The following PHACTR1 variants were observed in gnomAD, a reference collection of about 807,000 sequenced individuals.
PHACTR1 encodes phosphatase and actin regulator 1, also known as RPEL repeat containing 1.
A neutral mutation model predicts 69.2 loss-of-function variants in PHACTR1; 16 were observed. The observed-to-expected ratio is 0.23, with a 90% CI of 0.16 to 0.35. The LOEUF (loss-of-function observed/expected upper bound fraction) is 0.35. Ranked by LOEUF, PHACTR1 falls within the 10% of genes least tolerant of loss-of-function variation. The probability of loss-of-function intolerance (pLI) is 1.00; values close to 1 mark genes in which losing one functional copy is unlikely to be tolerated. For missense variants in PHACTR1, 510 were observed against 734.7 expected, an observed-to-expected ratio of 0.69 and a Z score of 3.54; for synonymous variants, 312 against 284.5, an observed-to-expected ratio of 1.10 and a Z score of -0.97.
chr6:12,898,229 C>T (rs1038247456), intron 4 of PHACTR1, among the ~76,000 whole-genome samples: 9 of 152,118 alleles, frequency 5.9e-5, no homozygotes, highest in Admixed American at 2.6e-4. Flanking sequence ...TGTTTACACA[C>T]GGTCCTGCCC....
intron 5 of PHACTR1, among the ~76,000 whole-genome samples, chr6:13,101,203 G>A (rs1419780546): frequency 6.6e-6 from 1 of 152,234 alleles, no homozygotes; most frequent in Non-Finnish European, 1.5e-5. Flanking sequence ...TTGATGCTGT[G>A]TCAGCCCATG....
At chr6:12,922,421 A>G (rs1202007583) in intron 4 of PHACTR1, among the ~76,000 whole-genome samples, 1 of 152,178 alleles carries the variant, frequency 6.6e-6, no homozygotes, top group African/African-American at 2.4e-5. Context: ...GCTGGAGCCC[A>G]GGGAAAGTAA....
chr6:12,886,791 G>A (rs1783685257), intron 4 of PHACTR1, among the ~76,000 whole-genome samples: 1 of 152,074 alleles, frequency 6.6e-6, no homozygotes, highest in Non-Finnish European at 1.5e-5. Flanking sequence ...CTTCCTTTCT[G>A]CAGGGACTTA....
At chr6:12,946,423 A>T (rs1349073447) in intron 4 of PHACTR1, among the ~76,000 whole-genome samples, 1 of 152,224 alleles carries the variant, frequency 6.6e-6, no homozygotes, top group Non-Finnish European at 1.5e-5. Flanking sequence ...CAAAGCTCCG[A>T]GATATGAGCG....
At chr6:13,117,188 T>G (rs560467301) in intron 5 of PHACTR1, among the ~76,000 whole-genome samples, 12 of 152,350 alleles carry the variant, frequency 7.9e-5, no homozygotes, top group African/African-American at 2.6e-4. Flanking sequence ...CCCCAGTCTC[T>G]TGGATTCTCC....
At chr6:13,145,439 A>G (rs928999486) in intron 5 of PHACTR1, among the ~76,000 whole-genome samples, 1 of 152,250 alleles carries the variant, frequency 6.6e-6, no homozygotes, top group African/African-American at 2.4e-5. Flanking sequence ...GTGAAATCTC[A>G]TTCAATGACA....
chr6:12,739,599 G>GCC (rs1764769783), intron 3 of PHACTR1, among the ~76,000 whole-genome samples: 1 of 152,018 alleles, frequency 6.6e-6, no homozygotes, highest in African/African-American at 2.4e-5. Flanking sequence ...GAGTGCAGTG[G>GCC]CATGAAAATG....
rs375451776 is a variant in PHACTR1 at position 12,818,336 on chromosome 6, G to A, written c.250+68546G>A. ...CTGGGGACTCTGCTGGGTCAGCTGA[G>A]ATGTCTGGGCTAGCTTTGGCCTGTA... On this transcript the variant is annotated intron_variant, in intron 4 of 14. Coordinates refer to ENST00000332995, the MANE Select transcript of PHACTR1 (RefSeq NM_030948.6). 3.9e-5 allele frequency among the ~76,000 whole-genome samples: 6 copies of A among 152,322 alleles called. No individual in the cohort carries two copies. The East Asian group carries it at 1.2e-3, about 29-fold the overall frequency.
At chr6:13,093,570 C>G (rs1384187876) in intron 5 of PHACTR1, among the ~76,000 whole-genome samples, 1 of 152,182 alleles carries the variant, frequency 6.6e-6, no homozygotes, top group Non-Finnish European at 1.5e-5. Context: ...TGGTTATACC[C>G]TCCGCACTAA....
chr6:13,199,723 G>C (rs764433548), intron 7 of PHACTR1, among the ~76,000 whole-genome samples: 2 of 151,806 alleles, frequency 1.3e-5, no homozygotes, highest in South Asian at 2.1e-4. Flanking sequence ...CATCCTTAAA[G>C]TTTAGACAAG....
Position 12,863,903 on chromosome 6 carries a change from A to C in PHACTR1, c.250+114113A>C, listed in dbSNP as rs180729886. ...GTTCAGTGAAGGTAAATTCTGTAGCAGTTCATGATTCATGAGATTAACTTA... is the reference window on the plus strand; with the variant it reads ...GTTCAGTGAAGGTAAATTCTGTAGCCGTTCATGATTCATGAGATTAACTTA... On this transcript the variant is annotated intron_variant, in intron 4 of 14. Coordinates refer to ENST00000332995, the MANE Select transcript of PHACTR1 (RefSeq NM_030948.6). Among the ~76,000 whole-genome samples the C allele has an allele frequency of 7.6e-3, 1,150 of 152,246 alleles. 22 individuals carry two copies. The highest frequency in any genetic ancestry group is 0.047 in the Admixed American group (722 of 15,280).
intron 5 of PHACTR1, among the ~76,000 whole-genome samples, chr6:13,153,657 A>G (rs1390368272): frequency 1.3e-5 from 2 of 152,154 alleles, no homozygotes; most frequent in African/African-American, 4.8e-5. Context: ...GGTTTTCTGC[A>G]TTGACTGCAG....
chr6:13,064,584 ATATATATATATATATATATATC>A (rs1405858805), intron 5 of PHACTR1, among the ~76,000 whole-genome samples: 14 of 8,806 alleles, frequency 1.6e-3, no homozygotes, highest in South Asian at 5.0e-3. Flanking sequence ...ATATATATAT[ATATATATATATATATATATATC>A]TATATATCTA....
intron 4 of PHACTR1, among the ~76,000 whole-genome samples, chr6:12,970,009 A>G (rs1448807191): frequency 6.6e-6 from 1 of 152,154 alleles, no homozygotes; most frequent in Non-Finnish European, 1.5e-5. Context: ...TGTTGAGAAC[A>G]AATGTTACAA....
rs556324278 is a variant in PHACTR1 at position 12,826,962 on chromosome 6, C to T, written c.250+77172C>T. ...TGCTAAGAACATCCTAATAACCACC[C>T]AAATTTTATTTATTCTGTGGGATAC... is the stretch of plus-strand genomic sequence containing the variant. On this transcript the variant is annotated intron_variant, in intron 4 of 14. Transcript: ENST00000332995. 4.1e-4 allele frequency among the ~76,000 whole-genome samples: 63 copies of T among 152,296 alleles called. No homozygotes were observed. The South Asian group carries it at 0.012, about 30-fold the overall frequency.
chr6:13,187,813 G>A (rs1249371478), intron 7 of PHACTR1, among the ~76,000 whole-genome samples: 1 of 151,172 alleles, frequency 6.6e-6, no homozygotes, highest in Non-Finnish European at 1.5e-5. Context: ...ATTGAAATAT[G>A]AGCTAACAAG....
intron 4 of PHACTR1, among the ~76,000 whole-genome samples, chr6:13,022,726 T>C (rs1369566695): frequency 6.6e-6 from 1 of 151,612 alleles, no homozygotes; most frequent in East Asian, 1.9e-4. Context: ...AAATAGAAAG[T>C]ATCTCTCCTG....
At chr6:13,137,232 T>G (rs1258967968) in intron 5 of PHACTR1, among the ~76,000 whole-genome samples, 1 of 152,232 alleles carries the variant, frequency 6.6e-6, no homozygotes, top group African/African-American at 2.4e-5. Context: ...TCCCAGAATA[T>G]GCAAGGATCT....
At chr6:13,210,491 C>T (rs942700772) in intron 8 of PHACTR1, among the ~76,000 whole-genome samples, 4 of 152,106 alleles carry the variant, frequency 2.6e-5, no homozygotes, top group East Asian at 1.9e-4. Context: ...CAGTGGGGTC[C>T]GAGCTGGTGG....
Sources: gnomAD v4.1 joint callset for allele counts (sites outside exome capture counted in the v4.1 genomes callset) on GRCh38, gnomAD v4.1.1 for gene constraint, MANE v1.5 for transcripts, NCBI Gene and HGNC (gene_info 2026-07-23, HGNC 2026-07-21) for gene names.